The following TMEM132D variants were observed in gnomAD, a reference collection of about 807,000 sequenced individuals.
TMEM132D encodes mature OL transmembrane protein.
A neutral mutation model predicts 62.3 loss-of-function variants in TMEM132D; 21 were observed. The observed-to-expected ratio is 0.34, with a 90% CI of 0.24 to 0.49. The LOEUF is 0.49. Among genes scored for constraint, TMEM132D ranks in the 20% least tolerant of loss-of-function variants. The pLI, the probability that TMEM132D is intolerant of heterozygous loss-of-function variation, is 0.99. For synonymous variants in TMEM132D, 621 were observed against 575.6 expected, an observed-to-expected ratio of 1.08 and a Z score of -1.13; for missense variants, 1,346 against 1,402.8, an observed-to-expected ratio of 0.96 and a Z score of 0.65.
At chr12:129,096,687 C>T (rs537458375) in intron 5 of TMEM132D, among the ~76,000 whole-genome samples, 1 of 152,276 alleles carries the variant, frequency 6.6e-6, no homozygotes, top group East Asian at 1.9e-4. Context: ...CTTTCCCCGT[C>T]AGCCACAGTG....
chr12:129,151,880 CTTTTTTTTTTTTT>C (rs11384544), intron 5 of TMEM132D, among the ~76,000 whole-genome samples: 1 of 133,532 alleles, frequency 7.5e-6, no homozygotes, highest in Non-Finnish European at 1.6e-5. Flanking sequence ...GTGATTCAAC[CTTTTTTTTTTTTT>C]TTTTGAGACA....
chr12:129,323,467 G>T (rs1868786573), intron 4 of TMEM132D, among the ~76,000 whole-genome samples: 2 of 152,116 alleles, frequency 1.3e-5, no homozygotes, highest in African/African-American at 4.8e-5. Flanking sequence ...AAAAACCACT[G>T]CTGGTGAACC....
intron 5 of TMEM132D, among the ~76,000 whole-genome samples, chr12:129,088,748 G>A (rs867147716): frequency 4.7e-5 from 2 of 42,418 alleles, no homozygotes; most frequent in Non-Finnish European, 4.5e-5. Flanking sequence ...CATGACCGGG[G>A]TGTCCTCCAT....
Position 129,903,625 on chromosome 12 carries a change from A to C in TMEM132D, c.-286T>G. On this transcript the variant is annotated 5_prime_UTR_variant, in exon 1 of 9. Transcript: ENST00000422113. The surrounding 1 kb of genome is among the most constrained non-coding windows in gnomAD (Gnocchi z 6.2). ...CAGAATTTTTTTTAAATTTTAATCC[A>C]CAGGGGGTATTTCCTTTCCTGTTTA... 3 of 459,204 alleles carry C rather than the reference A, an allele frequency of 6.5e-6. No homozygotes were observed. The highest frequency in any genetic ancestry group is 1.2e-5 in the Non-Finnish European group (3 of 256,700). 28.4% of individuals were successfully genotyped at this position (459,204 alleles called of 1,614,324 possible). A position where few individuals can be genotyped will look rare whatever the true frequency, so the allele number is the denominator to read the frequency against.
At chr12:129,719,082 T>TG (rs1868706038) in intron 1 of TMEM132D, among the ~76,000 whole-genome samples, 1 of 26,646 alleles carries the variant, frequency 3.8e-5, no homozygotes, top group Non-Finnish European at 8.7e-5. Context: ...ACAAAAAAAA[T>TG]GAAAAAAAAA....
intron 3 of TMEM132D, among the ~76,000 whole-genome samples, chr12:129,346,095 A>C (rs1401886995): frequency 6.6e-6 from 1 of 152,022 alleles, no homozygotes; most frequent in African/African-American, 2.4e-5. Flanking sequence ...GTAGGCTATT[A>C]ATTACTGCCT....
chr12:129,268,867 T>C (rs1047722272), intron 4 of TMEM132D, among the ~76,000 whole-genome samples: 10 of 151,906 alleles, frequency 6.6e-5, no homozygotes, highest in Non-Finnish European at 1.2e-4. Flanking sequence ...ATGTTCTTTG[T>C]AGGGACATGG....
chr12:129,451,510 T>G (rs1345286109), intron 3 of TMEM132D, among the ~76,000 whole-genome samples: 3 of 152,156 alleles, frequency 2.0e-5, no homozygotes, highest in Non-Finnish European at 2.9e-5. Context: ...TGTAAATTAA[T>G]GAAATGTTGA....
chr12:129,271,431 T>C (rs544040679), intron 4 of TMEM132D, among the ~76,000 whole-genome samples: 1 of 151,742 alleles, frequency 6.6e-6, no homozygotes, highest in Admixed American at 6.6e-5. Flanking sequence ...CTGGGACACA[T>C]GTGCAGAACA....
chr12:129,839,672 A>G (rs1873122160), intron 1 of TMEM132D, among the ~76,000 whole-genome samples: 1 of 152,228 alleles, frequency 6.6e-6, no homozygotes, highest in South Asian at 2.1e-4. Context: ...ATATATGAAT[A>G]TAAGGAGAGC....
intron 5 of TMEM132D, among the ~76,000 whole-genome samples, chr12:129,194,085 C>T (rs1303003634): frequency 6.6e-6 from 1 of 152,182 alleles, no homozygotes. Context: ...CTACCCAGTA[C>T]CTGTTAAAGG....
At chr12:129,797,165 G>A (rs1311885342) in intron 1 of TMEM132D, among the ~76,000 whole-genome samples, 3 of 152,104 alleles carry the variant, frequency 2.0e-5, no homozygotes, top group East Asian at 1.9e-4. Context: ...CAGGCATCGC[G>A]GGAGGGTGGC....
At chr12:129,873,999 G>A (rs544742845) in intron 1 of TMEM132D, among the ~76,000 whole-genome samples, 50 of 152,100 alleles carry the variant, frequency 3.3e-4, no homozygotes, top group Non-Finnish European at 4.9e-4. Flanking sequence ...TTCCTCTCCC[G>A]CACTAAACCT....
At chr12:129,564,621 T>C (rs1220817448) in intron 2 of TMEM132D, among the ~76,000 whole-genome samples, 1 of 152,204 alleles carries the variant, frequency 6.6e-6, no homozygotes, top group Non-Finnish European at 1.5e-5. Flanking sequence ...GTGGATTGGC[T>C]GGAAATGACC....
chr12:129,403,711 C>A (rs190200031), intron 3 of TMEM132D, among the ~76,000 whole-genome samples: 2 of 152,128 alleles, frequency 1.3e-5, no homozygotes, highest in East Asian at 3.9e-4. Flanking sequence ...TGTTGACTCG[C>A]ATGGAGTTAG....
At chr12:129,254,316 A>G (rs561627612) in intron 4 of TMEM132D, among the ~76,000 whole-genome samples, 3 of 152,336 alleles carry the variant, frequency 2.0e-5, no homozygotes, top group East Asian at 3.9e-4. Flanking sequence ...AATATATCAC[A>G]TGCGTGCCCA....
chr12:129,823,373 G>A (rs1434689626), intron 1 of TMEM132D, among the ~76,000 whole-genome samples: 2 of 152,232 alleles, frequency 1.3e-5, no homozygotes, highest in Admixed American at 1.3e-4. Flanking sequence ...CAGACTCCTA[G>A]AAGAAAAGCA....
chr12:129,219,677 A>G (rs1349028043), intron 4 of TMEM132D, among the ~76,000 whole-genome samples: 1 of 152,228 alleles, frequency 6.6e-6, no homozygotes, highest in East Asian at 1.9e-4. Context: ...CACTGATTTA[A>G]ACAGCAGGTT....
intron 2 of TMEM132D, among the ~76,000 whole-genome samples, chr12:129,680,422 G>T (rs888510402): frequency 2.0e-5 from 3 of 152,144 alleles, no homozygotes; most frequent in African/African-American, 7.2e-5. Context: ...TGTTCCCTCT[G>T]TGTTCTTTTT....
Sources: allele counts gnomAD v4.1 joint callset (sites outside exome capture counted in the v4.1 genomes callset), GRCh38; gene constraint gnomAD v4.1.1; non-coding constraint Gnocchi (gnomAD v3.1); transcripts MANE v1.5; gene names NCBI Gene and HGNC (gene_info 2026-07-23, HGNC 2026-07-21).